Variants in MIIP observed in about 807,000 individuals in gnomAD.
MIIP encodes the protein migration and invasion-inhibitory protein.
A neutral mutation model predicts 44.8 loss-of-function variants in MIIP; 44 were observed. That is an observed-to-expected ratio of 0.98 (90% CI 0.77 to 1.26). The LOEUF (loss-of-function observed/expected upper bound fraction) is 1.26. Ranked by LOEUF, MIIP falls within the 50% of genes most tolerant of loss-of-function variation. The pLI, the probability that MIIP is intolerant of heterozygous loss-of-function variation, is 0.00. For missense variants in MIIP, 496 were observed against 511.7 expected, an observed-to-expected ratio of 0.97 and a Z score of 0.30; for synonymous variants, 225 against 218.3, an observed-to-expected ratio of 1.03 and a Z score of -0.27.
intron 4 of MIIP, among the ~76,000 whole-genome samples, chr1:12,025,061 T>TTTC (rs1640076133): frequency 6.8e-6 from 1 of 147,612 alleles, no homozygotes; most frequent in African/African-American, 2.5e-5. Context: ...TTTGTTGTTG[T>TTTC]TTTTTTTGTT....
chr1:12,027,743 C>G (rs1478227630), intron 4 of MIIP, among the ~76,000 whole-genome samples: 4 of 152,208 alleles, frequency 2.6e-5, no homozygotes, highest in Admixed American at 2.0e-4. Context: ...TTCTCCACAT[C>G]ACCATGAAGT....
chr1:12,020,020 G>A (rs527486483), intron 1 of MIIP, among the ~76,000 whole-genome samples: 1 of 152,352 alleles, frequency 6.6e-6, no homozygotes, highest in Non-Finnish European at 1.5e-5. Context: ...CGGCTACTCT[G>A]TGCTCCAGAC....
chr1:12,023,369 CTTCT>C (rs1176049171), intron 4 of MIIP, among the ~76,000 whole-genome samples: 3 of 141,742 alleles, frequency 2.1e-5, no homozygotes, highest in African/African-American at 5.2e-5. Context: ...CCACAGCCAC[CTTCT>C]TTGTTTTCTT....
At chr1:12,028,083 T>C (rs1193128886) in intron 4 of MIIP, among the ~76,000 whole-genome samples, 3 of 152,212 alleles carry the variant, frequency 2.0e-5, no homozygotes, top group Admixed American at 6.5e-5. Context: ...GGCGCACGCC[T>C]GTAATTCCAG....
At chr1:12,027,940 G>C (rs557285917) in intron 4 of MIIP, among the ~76,000 whole-genome samples, 1 of 152,120 alleles carries the variant, frequency 6.6e-6, no homozygotes, top group Non-Finnish European at 1.5e-5. Context: ...GGCCGGGTGC[G>C]GTGGCTCACG....
intron 3 of MIIP, 42 bp from the exon 4 acceptor site, chr1:12,022,791 C>T (rs1453893711): frequency 6.7e-7 from 1 of 1,481,660 alleles, no homozygotes; most frequent in African/African-American, 1.4e-5. Context: ...CTGGGCCAGG[C>T]CTCTTGGCTT....
chr1:12,029,024 C>T lies in MIIP; in HGVS notation c.548-9C>T. On this transcript the variant is annotated splice_polypyrimidine_tract_variant and intron_variant, in intron 4 of 9. Transcript: ENST00000235332. ...TCCCGTCAGCTGCCTGGTGCTTTGC[C>T]CACACCAGGGTCTCTGGACACCAGC... The T allele has an allele frequency of 1.9e-6, 3 of 1,607,424 alleles. No homozygotes were observed. The highest frequency in any genetic ancestry group is 2.6e-6 in the Non-Finnish European group (3 of 1,173,950).
chr1:12,028,996 C>T lies in MIIP; in HGVS notation c.548-37C>T, dbSNP rs776643944. On this transcript the variant is annotated intron_variant, in intron 4 of 9. Coordinates refer to ENST00000235332, the MANE Select transcript of MIIP (RefSeq NM_021933.4). ...GTGGCCACACAGCAGCCCCCAGCCC[C>T]TCTCCCGTCAGCTGCCTGGTGCTTT... The T allele has an allele frequency of 1.9e-6, 3 of 1,558,428 alleles. No individual in the cohort carries two copies. The East Asian group carries it at 6.7e-5, about 35-fold the overall frequency.
intron 4 of MIIP, among the ~76,000 whole-genome samples, 191 bp downstream of exon 4, chr1:12,023,108 G>A (rs1414506286): frequency 2.1e-5 from 3 of 142,302 alleles, no homozygotes; most frequent in Non-Finnish European, 4.5e-5. Context: ...CTGTCCCCCA[G>A]GCTGGAGTGC....
In MIIP at chr1:12,029,113, A is replaced by G. The variant is rs777047147; in HGVS notation, c.628A>G (p.Lys210Glu). The G allele has an allele frequency of 1.9e-6, 3 of 1,613,924 alleles. No individual in the cohort carries two copies. Among genetic ancestry groups the G allele is most frequent in the Non-Finnish European group, 2.5e-6 (3 of 1,179,826 alleles). Reference protein sequence around the residue: ...SKLQEFRETNKEECICSHPEP... With the variant: ...SKLQEFRETNEEECICSHPEP... ...GCTGCAGGAGTTTCGGGAAACCAAC[A>G]AGGAGGAGTGTATCTGCAGCCATCC... Residue 210 changes from lysine (K) to glutamate (E), a missense_variant, in exon 5 of 10, where the codon AAG becomes GAG. Transcript: ENST00000235332.
In MIIP at chr1:12,022,192, C is replaced by G. The variant is rs1351485445; in HGVS notation, c.212C>G (p.Ser71Cys). 1 of 1,613,358 alleles carries G rather than the reference C, an allele frequency of 6.2e-7. No homozygotes were observed. The highest frequency in any genetic ancestry group is 8.5e-7 in the Non-Finnish European group (1 of 1,179,722). ...SLSTSCPRGR[S>C]SVWGPPDACR... ...AGCACCTCCTGCCCACGGGGCCGGT[C>G]CTCCGTGTGGGGCCCACCAGATGCC... Residue 71 changes from serine to cysteine, a missense_variant, in exon 3 of 10, where the codon TCC (serine) becomes TGC (cysteine). Physicochemically the swap from Ser to Cys is moderately radical, Grantham distance 112 (BLOSUM62 -1). Transcript: ENST00000235332.
Position 12,021,758 on chromosome 1 carries a change from G to A in MIIP, c.32G>A (p.Arg11Gln), listed in dbSNP as rs759858419. The change falls in exon 2 of 10, where the codon CGG becomes CAG. Residue 11 changes from arginine (R) to glutamine (Q), a missense_variant. Transcript: ENST00000235332. ...GAGGCTGAGGAACTGGCACAGCTGC[G>A]GCTGCTCAATCTGGAGCTCCTGAGG... MVEAEELAQL[R>Q]LLNLELLRQL... is the part of the protein sequence containing the mutation. 41 of 1,612,878 alleles carry A rather than the reference G, an allele frequency of 2.5e-5. No homozygotes were observed. The highest frequency in any genetic ancestry group is 1.1e-4 in the East Asian group (5 of 44,894).
chr1:12,026,749 T>C (rs1221538774), intron 4 of MIIP, among the ~76,000 whole-genome samples: 1 of 152,214 alleles, frequency 6.6e-6, no homozygotes, highest in Non-Finnish European at 1.5e-5. Context: ...GATAAGCTTA[T>C]TAGGTAGGCA....
In MIIP at chr1:12,022,283, G is replaced by A. The variant is rs747075444; in HGVS notation, c.303G>A (p.Gln101=). 1.7e-5 allele frequency: 28 copies of A among 1,613,704 alleles called. No individual in the cohort carries two copies. The highest frequency in any genetic ancestry group is 2.0e-5 in the Non-Finnish European group (24 of 1,179,996). ...GVASLPPAKC[Q]HQESLGRPRP... is the part of the protein sequence containing the mutation. ...CCTCTCTCCCACCTGCCAAATGCCAGCACCAGGAGTCCCTGGGCCGACCGA... is the reference window on the plus strand; with the variant it reads ...CCTCTCTCCCACCTGCCAAATGCCAACACCAGGAGTCCCTGGGCCGACCGA... Residue 101 remains glutamine (Q), a synonymous_variant, in exon 3 of 10, where the codon CAG becomes CAA. Transcript: ENST00000235332.
At chr1:12,026,598 C>A (rs1640108953) in intron 4 of MIIP, among the ~76,000 whole-genome samples, 1 of 152,232 alleles carries the variant, frequency 6.6e-6, no homozygotes, top group Non-Finnish European at 1.5e-5. Flanking sequence ...CCTCTCTGTC[C>A]TGCATCCTCA....
At position 12,029,038 on chromosome 1, in the gene MIIP, C is replaced by T. The variant is rs773589507; in HGVS notation, c.553C>T (p.Leu185=). ...TGGTGCTTTGCCCACACCAGGGTCT[C>T]TGGACACCAGCTCTTCCATCACCAG... ...YLGYDWIAGS[L]DTSSSITSQP... is the part of the protein sequence containing the mutation. Residue 185 remains leucine (L), a synonymous_variant, in exon 5 of 10, where the codon CTG becomes TTG. Transcript: ENST00000235332. 1.9e-5 allele frequency: 30 copies of T among 1,614,000 alleles called. 2 individuals are homozygous for T. The Middle Eastern group carries it at 3.8e-3, about 205-fold the overall frequency.
At position 12,031,857 on chromosome 1, in the gene MIIP, C is replaced by G; in HGVS notation, c.*49C>G. The G allele has an allele frequency of 1.3e-6, 2 of 1,563,702 alleles. No homozygotes were observed. The highest frequency in any genetic ancestry group is 1.8e-6 in the Non-Finnish European group (2 of 1,138,568). The stretch of plus-strand genomic sequence containing the variant: ...GCATTCCCGCCGCCTCCAGCCTCTC[C>G]CCTCTGGCAGGCGCACCCAGGAGAT... On this transcript the variant is annotated 3_prime_UTR_variant, in exon 10 of 10. Transcript: ENST00000235332.
At chr1:12,023,057 C>CTT in intron 4 of MIIP, 140 bp downstream of exon 4, 9 of 522,124 alleles carry the variant, frequency 1.7e-5, no homozygotes, top group South Asian at 1.1e-4. Flanking sequence ...GGGGAGCACC[C>CTT]TCTTTTTTTT....
In MIIP at chr1:12,031,821, G is replaced by A; in HGVS notation, c.*13G>A. 6.2e-7 allele frequency: 1 copy of A among 1,611,718 alleles called. No homozygotes were observed. The highest frequency in any genetic ancestry group is 8.5e-7 in the Non-Finnish European group (1 of 1,178,268). ...GCAGAAGCCCTGAGGACTGACTCCTGGGGGAGAACAGCATTCCCGCCGCCT... is the reference window on the plus strand; with the variant it reads ...GCAGAAGCCCTGAGGACTGACTCCTAGGGGAGAACAGCATTCCCGCCGCCT... On this transcript the variant is annotated 3_prime_UTR_variant, in exon 10 of 10. Transcript: ENST00000235332.
Sources: gnomAD v4.1 joint callset for allele counts (sites outside exome capture counted in the v4.1 genomes callset) on GRCh38, gnomAD v4.1.1 for gene constraint, MANE v1.5 for transcripts, NCBI Gene and HGNC (gene_info 2026-07-23, HGNC 2026-07-21) for gene names.